The following YKT6 variants were observed in gnomAD, a reference collection of about 807,000 sequenced individuals.
The protein encoded by YKT6 is synaptobrevin homolog YKT6.
A neutral mutation model predicts 29.3 loss-of-function variants in YKT6; 12 were observed. That is an observed-to-expected ratio of 0.41 (90% CI 0.26 to 0.66). The LOEUF is 0.66. Among genes scored for constraint, YKT6 ranks in the 30% least tolerant of loss-of-function variants. The pLI is 0.32. For synonymous variants in YKT6, 86 were observed against 94.3 expected (o/e 0.91, Z 0.51); for missense variants, 188 against 243.8 (o/e 0.77, Z 1.52).
chr7:44,210,964 G>A, intron 5 of YKT6, 59 bp from the exon 6 acceptor site: 1 of 1,572,526 alleles, frequency 6.4e-7, no homozygotes, highest in Non-Finnish European at 8.7e-7. Flanking sequence ...TGAAATATGA[G>A]GGGCTCATGT....
rs563945182 is a variant in YKT6 at position 44,207,872 on chromosome 7, T to C, written c.394-261T>C. Among the ~76,000 whole-genome samples, 3 of 152,260 alleles carry C rather than the reference T, an allele frequency of 2.0e-5. No homozygotes were observed. In the East Asian group the frequency reaches 5.8e-4, roughly 29 times the overall value. ...TCCCGAGTAGCTGGGATTACAGGCA[T>C]GTGCCACCACGCCTGGCTAATTTTT... On this transcript the variant is annotated intron_variant, in intron 4 of 6. Transcript: ENST00000223369.
intron 1 of YKT6, among the ~76,000 whole-genome samples, chr7:44,201,879 C>T (rs2096336118): frequency 6.6e-6 from 1 of 152,216 alleles, no homozygotes; most frequent in African/African-American, 2.4e-5. Flanking sequence ...AACTGAAAGC[C>T]AGGTTTAACG....
At chr7:44,210,817 C>T (rs1291516229) in intron 5 of YKT6, 1 of 632,668 alleles carries the variant, frequency 1.6e-6, no homozygotes, top group Non-Finnish European at 2.9e-6. Flanking sequence ...GTTAGATCTT[C>T]TAGATTTCAC....
intron 2 of YKT6, among the ~76,000 whole-genome samples, chr7:44,205,476 T>C (rs2096339877): frequency 6.6e-6 from 1 of 152,230 alleles, no homozygotes; most frequent in South Asian, 2.1e-4. Flanking sequence ...GACAACCCCC[T>C]GTCCTCTTCC....
intron 1 of YKT6, 30 bp downstream of exon 1, chr7:44,201,269 G>T: frequency 6.3e-7 from 1 of 1,598,534 alleles, no homozygotes; most frequent in Non-Finnish European, 8.5e-7. Context: ...GGGCCGTGGC[G>T]GTCGGGCGGA....
chr7:44,212,864 CTGT>C lies in YKT6; in HGVS notation c.*587_*589del, dbSNP rs1371531407. 6.6e-6 allele frequency: 1 copy of C among 152,394 alleles called. No individual in the cohort carries two copies. Among genetic ancestry groups the C allele is most frequent in the South Asian group, 2.1e-4 (1 of 4,838 alleles). The allele number at this position is 152,394 out of a possible 1,614,324, so 9.4% of individuals were successfully genotyped here. ...AGTCACTGGGTCTCAGATTCTGAGA[CTGT>C]TGTTTAGCTTACCTTTCTGCTAGGA... On this transcript the variant is annotated 3_prime_UTR_variant, in exon 7 of 7. Coordinates refer to ENST00000223369, the MANE Select transcript of YKT6 (RefSeq NM_006555.4).
chr7:44,207,343 G>A, intron 3 of YKT6, 45 bp from the exon 4 acceptor site: 3 of 1,539,110 alleles, frequency 1.9e-6, no homozygotes, highest in Non-Finnish European at 2.7e-6. Context: ...GAGACCACTG[G>A]TGAGTGCACA....
chr7:44,208,344 C>T, intron 5 of YKT6, 146 bp downstream of exon 5: 5 of 797,730 alleles, frequency 6.3e-6, no homozygotes, highest in South Asian at 4.8e-5. Flanking sequence ...CCTTCCCCCA[C>T]CCCGGGCATC....
chr7:44,205,948 A>C (rs1241091675), intron 2 of YKT6, among the ~76,000 whole-genome samples: 1 of 152,190 alleles, frequency 6.6e-6, no homozygotes, highest in East Asian at 1.9e-4. Flanking sequence ...GGCTGCTCTG[A>C]AAAGATTTTT....
At chr7:44,201,299 C>T in intron 1 of YKT6, 60 bp downstream of exon 1, 3 of 1,254,400 alleles carry the variant, frequency 2.4e-6, no homozygotes, top group Admixed American at 4.6e-5. Flanking sequence ...GGTGGGGGTC[C>T]GAGTCGGAGT....
chr7:44,214,117 G>T lies in YKT6; in HGVS notation c.*1835G>T, dbSNP rs2096349721. Reference sequence around the variant, plus strand: ...CAGCCCCTGCCTTGCAGGGCGGGCTGGCTTGACTCAGGCCCTGTGAGATAG... The same window carrying T: ...CAGCCCCTGCCTTGCAGGGCGGGCTTGCTTGACTCAGGCCCTGTGAGATAG... On this transcript the variant is annotated 3_prime_UTR_variant, in exon 7 of 7. Transcript: ENST00000223369. 6.6e-6 allele frequency: 1 copy of T among 152,226 alleles called. No homozygotes were observed. The highest frequency in any genetic ancestry group is 2.4e-5 in the African/African-American group (1 of 41,442). 9.4% of individuals were successfully genotyped at this position (152,226 alleles called of 1,614,324 possible). A position where few individuals can be genotyped will look rare whatever the true frequency, so the allele number is the denominator to read the frequency against.
chr7:44,202,266 T>TA (rs151296855), intron 1 of YKT6, among the ~76,000 whole-genome samples: 9 of 152,192 alleles, frequency 5.9e-5, no homozygotes, highest in Non-Finnish European at 8.8e-5. Flanking sequence ...TGAGTTCTTT[T>TA]AAAAAAATAT....
At chr7:44,210,406 C>T (rs1420962224) in intron 5 of YKT6, among the ~76,000 whole-genome samples, 1 of 152,232 alleles carries the variant, frequency 6.6e-6, no homozygotes, top group Non-Finnish European at 1.5e-5. Context: ...CCTCTGCCGT[C>T]ACGTGACCTT....
chr7:44,211,159 C>T, intron 6 of YKT6, 35 bp downstream of exon 6: 1 of 1,593,358 alleles, frequency 6.3e-7, no homozygotes, highest in Non-Finnish European at 8.6e-7. Context: ...CCTGGGTGTT[C>T]TCTCTAGAGA....
At position 44,212,598 on chromosome 7, in the gene YKT6, A is replaced by T; in HGVS notation, c.*316A>T. 3.0e-6 allele frequency: 1 copy of T among 338,858 alleles called. No individual in the cohort carries two copies. The highest frequency in any genetic ancestry group is 4.7e-5 in the Admixed American group (1 of 21,474). The allele number at this position is 338,858 out of a possible 1,614,324, so 21.0% of individuals were successfully genotyped here. A position where few individuals can be genotyped will look rare whatever the true frequency, so the allele number is the denominator to read the frequency against. On this transcript the variant is annotated 3_prime_UTR_variant, in exon 7 of 7. Transcript: ENST00000223369. The stretch of plus-strand genomic sequence containing the variant: ...GCTAACCCTGGGAAGGCTCTGTGGG[A>T]GGGAGGTCGGAGCCAGCTGTTTCTC...
At chr7:44,202,289 T>C (rs2096336585) in intron 1 of YKT6, among the ~76,000 whole-genome samples, 1 of 152,232 alleles carries the variant, frequency 6.6e-6, no homozygotes, top group Non-Finnish European at 1.5e-5. Flanking sequence ...TTAATTGTGG[T>C]AAAATGGTAC....
chr7:44,201,116 C>T lies in YKT6; in HGVS notation c.-20C>T, dbSNP rs1271568147. 5 of 1,555,582 alleles carry T rather than the reference C, an allele frequency of 3.2e-6. No individual in the cohort carries two copies. In the African/African-American group the frequency reaches 5.7e-5, roughly 18 times the overall value. On this transcript the variant is annotated 5_prime_UTR_variant, in exon 1 of 7. Coordinates refer to ENST00000223369, the MANE Select transcript of YKT6 (RefSeq NM_006555.4). ...CGGGTCCCGCAGCTGGGCAGGCGGG[C>T]GGCCTGAGGGCGCGGAGCCATGAAG...
In YKT6 at chr7:44,211,005, CTT is replaced by C; in HGVS notation, c.460-15_460-14del. The stretch of plus-strand genomic sequence containing the variant: ...CACGTACTGAACAGAGCTGGATTCT[CTT>C]TTCTTTTTTGTCCAGCACAACACCA... On this transcript the variant is annotated splice_polypyrimidine_tract_variant and intron_variant, in intron 5 of 6. Transcript: ENST00000223369. The C allele has an allele frequency of 1.9e-6, 3 of 1,613,380 alleles. No homozygotes were observed. Among genetic ancestry groups the C allele is most frequent in the Non-Finnish European group, 1.7e-6 (2 of 1,179,652 alleles).
chr7:44,208,105 G>T (rs906370329), intron 4 of YKT6, 28 bp from the exon 5 acceptor site: 1 of 1,612,220 alleles, frequency 6.2e-7, no homozygotes, highest in South Asian at 1.1e-5. Context: ...CTCCAGTCCT[G>T]ACTTTATTAT....
Sources: gnomAD v4.1 joint callset for allele counts (sites outside exome capture counted in the v4.1 genomes callset) on GRCh38, gnomAD v4.1.1 for gene constraint, MANE v1.5 for transcripts, NCBI Gene and HGNC (gene_info 2026-07-23, HGNC 2026-07-21) for gene names.